The following TRMT13 variants were observed in gnomAD, a reference collection of about 807,000 sequenced individuals.
TRMT13 encodes the protein tRNA:m(4)X modification enzyme TRM13 homolog.
In TRMT13, 45 loss-of-function variants were observed where a neutral mutation model predicts 55.9. That is an observed-to-expected ratio of 0.80 (90% CI 0.63 to 1.03). The LOEUF (loss-of-function observed/expected upper bound fraction) is 1.03. Ranked by LOEUF, TRMT13 falls within the 50% of genes least tolerant of loss-of-function variation. The pLI is 0.00. For missense variants in TRMT13, 513 were observed against 563.9 expected, an observed-to-expected ratio of 0.91 and a Z score of 0.91; for synonymous variants, 183 against 196.3, an observed-to-expected ratio of 0.93 and a Z score of 0.57.
chr1:100,148,065 T>C lies in TRMT13; in HGVS notation c.989T>C (p.Ile330Thr), dbSNP rs1557916409. 8.7e-6 allele frequency: 14 copies of C among 1,614,204 alleles called. No individual in the cohort carries two copies. Among genetic ancestry groups the C allele is most frequent in the Non-Finnish European group, 1.2e-5 (14 of 1,180,038 alleles). The change falls in exon 10 of 11, where the codon ATT (isoleucine) becomes ACT (threonine). Residue 330 changes from isoleucine (I) to threonine (T), a missense_variant. By Grantham distance (89) the Ile-to-Thr change is moderately conservative. Coordinates refer to ENST00000370141, the MANE Select transcript of TRMT13 (RefSeq NM_019083.3). Reference protein sequence around the residue: ...VPEKWNPVAGIVIALCCHHRC... With the variant: ...VPEKWNPVAGTVIALCCHHRC... The stretch of plus-strand genomic sequence containing the variant: ...GAGAAGTGGAACCCTGTGGCTGGCA[T>C]TGTTATTGCACTCTGTTGTCACCAC...
intron 9 of TRMT13, among the ~76,000 whole-genome samples, chr1:100,146,626 C>T (rs1198258519): frequency 6.6e-6 from 1 of 152,204 alleles, no homozygotes; most frequent in Non-Finnish European, 1.5e-5. Context: ...CTGCCTCAGC[C>T]TCCCGAATTG....
intron 7 of TRMT13, among the ~76,000 whole-genome samples, chr1:100,142,495 A>C (rs902132293): frequency 2.6e-5 from 4 of 152,314 alleles, no homozygotes; most frequent in Admixed American, 2.0e-4. Flanking sequence ...TTTGTTAGTA[A>C]TTGAATATGA....
intron 9 of TRMT13, chr1:100,144,522 T>C (rs1278032446): frequency 6.5e-6 from 1 of 154,610 alleles, no homozygotes; most frequent in East Asian, 1.9e-4. Flanking sequence ...TAAAAGACTA[T>C]TGTGTTTCAG....
intron 10 of TRMT13, 144 bp from the exon 11 acceptor site, chr1:100,148,475 CATAAAT>C: frequency 9.3e-7 from 1 of 1,069,906 alleles, no homozygotes; most frequent in Admixed American, 2.6e-5. Flanking sequence ...TTATTGTGGT[CATAAAT>C]ATAATGTGTC....
At position 100,148,202 on chromosome 1, in the gene TRMT13, C is replaced by G; in HGVS notation, c.1126C>G (p.Arg376Gly). 1 of 1,613,980 alleles carries G rather than the reference C, an allele frequency of 6.2e-7. No individual in the cohort carries two copies. The highest frequency in any genetic ancestry group is 8.5e-7 in the Non-Finnish European group (1 of 1,179,998). Residue 376 changes from arginine (R) to glycine (G), a missense_variant, in exon 10 of 11, where the codon CGG becomes GGG. By Grantham distance (125) the Arg-to-Gly change is moderately radical. Around this residue, in one of 3 missense-constraint regions of TRMT13, gnomAD observed 209 missense variants for 255.8 expected, o/e 0.82. Coordinates refer to ENST00000370141, the MANE Select transcript of TRMT13 (RefSeq NM_019083.3). The part of the protein sequence containing the change: ...RMSSWATCGM[R>G]KTSLETSNST... The stretch of plus-strand genomic sequence containing the variant: ...GAGTAGTTGGGCAACTTGTGGGATG[C>G]GGAAAACATCTTTGGAAACCTCAAA...
intron 9 of TRMT13, among the ~76,000 whole-genome samples, chr1:100,144,897 T>C (rs891692694): frequency 2.6e-5 from 4 of 152,230 alleles, no homozygotes; most frequent in Non-Finnish European, 5.9e-5. Context: ...ATAGATATTA[T>C]TCATATTGGC....
At position 100,140,281 on chromosome 1, in the gene TRMT13, T is replaced by C. The variant is rs745840151; in HGVS notation, c.394+30T>C. 6 of 1,594,134 alleles carry C rather than the reference T, an allele frequency of 3.8e-6. 1 individual carries two copies. In the South Asian group the frequency reaches 5.6e-5, roughly 15 times the overall value. On this transcript the variant is annotated intron_variant, in intron 5 of 10. Coordinates refer to ENST00000370141, the MANE Select transcript of TRMT13 (RefSeq NM_019083.3). ...GACTGCCTAAAGTTGCAAGTTCAAT[T>C]ATTTTAGAGTAATTAGGTGGTATAT...
chr1:100,144,903 T>A (rs1657045055), intron 9 of TRMT13, among the ~76,000 whole-genome samples: 1 of 152,240 alleles, frequency 6.6e-6, no homozygotes, highest in African/African-American at 2.4e-5. Context: ...ATTATTCATA[T>A]TGGCTGGAAA....
chr1:100,149,122 A>G lies in TRMT13; in HGVS notation c.*302A>G, dbSNP rs779355147. 9 of 1,582,920 alleles carry G rather than the reference A, an allele frequency of 5.7e-6. No individual in the cohort carries two copies. In the African/African-American group the frequency reaches 1.2e-4, roughly 22 times the overall value. On this transcript the variant is annotated 3_prime_UTR_variant, in exon 11 of 11. Coordinates refer to ENST00000370141, the MANE Select transcript of TRMT13 (RefSeq NM_019083.3). ...TCTGAAACATACATAACATGTCAAC[A>G]CATAATTAGCGTATTTCTGTTTGTA...
Position 100,133,235 on chromosome 1 carries a change from G to A in TRMT13, c.67G>A (p.Val23Met). ...FPAEGRCGYY[V>M]EKKKRFCRMV... ...AGCTGAGGGTAGATGCGGTTACTAT[G>A]TGGAAAAGAAGAAACGGTTCTGCAG... The change falls in exon 1 of 11, where the codon GTG (valine) becomes ATG (methionine). Residue 23 changes from valine (V) to methionine (M), a missense_variant. By Grantham distance (21) the Val-to-Met change is conservative. This residue lies in a region of TRMT13 where 298 missense variants were observed against 290.3 expected (regional missense o/e 1.03). Coordinates refer to ENST00000370141, the MANE Select transcript of TRMT13 (RefSeq NM_019083.3). The A allele has an allele frequency of 1.2e-6, 2 of 1,614,190 alleles. No individual in the cohort carries two copies. The highest frequency in any genetic ancestry group is 1.7e-6 in the Non-Finnish European group (2 of 1,180,032).
chr1:100,136,977 T>C (rs960172881), intron 2 of TRMT13, 42 bp from the exon 3 acceptor site: 2 of 1,602,290 alleles, frequency 1.2e-6, no homozygotes, highest in Non-Finnish European at 1.7e-6. Context: ...AAACAGTAAT[T>C]GGCACAAGTC....
In TRMT13 at chr1:100,149,131, G is replaced by A. The variant is rs771705823; in HGVS notation, c.*311G>A. The A allele has an allele frequency of 6.4e-7, 1 of 1,570,732 alleles. No individual in the cohort carries two copies. The highest frequency in any genetic ancestry group is 1.4e-5 in the African/African-American group (1 of 72,466). The stretch of plus-strand genomic sequence containing the variant: ...TACATAACATGTCAACACATAATTA[G>A]CGTATTTCTGTTTGTATTAATTTTG... On this transcript the variant is annotated 3_prime_UTR_variant, in exon 11 of 11. Coordinates refer to ENST00000370141, the MANE Select transcript of TRMT13 (RefSeq NM_019083.3).
chr1:100,149,537 G>C lies in TRMT13; in HGVS notation c.*717G>C. The C allele has an allele frequency of 6.7e-6, 8 of 1,187,950 alleles. No homozygotes were observed. Among genetic ancestry groups the C allele is most frequent in the Non-Finnish European group, 9.2e-6 (8 of 865,570 alleles). The allele number at this position is 1,187,950 out of a possible 1,614,324, so 73.6% of individuals were successfully genotyped here. A position where few individuals can be genotyped will look rare whatever the true frequency, so the allele number is the denominator to read the frequency against. The stretch of plus-strand genomic sequence containing the variant: ...ACTTACAAACATAATTCACAAATTT[G>C]AAATAATTTCTGAAGTTGATTAGCT... On this transcript the variant is annotated 3_prime_UTR_variant, in exon 11 of 11. Coordinates refer to ENST00000370141, the MANE Select transcript of TRMT13 (RefSeq NM_019083.3).
chr1:100,137,285 T>C (rs550916974), intron 3 of TRMT13, among the ~76,000 whole-genome samples, 200 bp downstream of exon 3: 8 of 152,138 alleles, frequency 5.3e-5, no homozygotes, highest in Non-Finnish European at 1.0e-4. Flanking sequence ...AGCCTTGAAC[T>C]CCTGGACTCA....
At chr1:100,133,867 G>A (rs1451562071) in intron 1 of TRMT13, among the ~76,000 whole-genome samples, 1 of 152,086 alleles carries the variant, frequency 6.6e-6, no homozygotes, top group Non-Finnish European at 1.5e-5. Flanking sequence ...CCAACATGAT[G>A]AAACCCTCTC....
chr1:100,134,942 T>G (rs1655611932), intron 1 of TRMT13, among the ~76,000 whole-genome samples: 2 of 152,196 alleles, frequency 1.3e-5, no homozygotes, highest in South Asian at 4.1e-4. Flanking sequence ...ATGTTGTGTT[T>G]CCATCTTTTT....
chr1:100,148,161 A>G lies in TRMT13; in HGVS notation c.1085A>G (p.His362Arg), dbSNP rs1657522694. 1.9e-6 allele frequency: 3 copies of G among 1,614,150 alleles called. No homozygotes were observed. The highest frequency in any genetic ancestry group is 2.5e-6 in the Non-Finnish European group (3 of 1,180,032). The change falls in exon 10 of 11, where the codon CAT becomes CGT. Residue 362 changes from histidine (H) to arginine (R), a missense_variant. His to Arg is a conservative substitution (Grantham distance 29). Around this residue, in one of 3 missense-constraint regions of TRMT13, gnomAD observed 209 missense variants for 255.8 expected, o/e 0.82. Coordinates refer to ENST00000370141, the MANE Select transcript of TRMT13 (RefSeq NM_019083.3). ...CTAGGCCTTGGAGCAGTGGAATTCC[A>G]TTATTTCCAGCGAATGAGTAGTTGG... ...RALGLGAVEF[H>R]YFQRMSSWAT... is the part of the protein sequence containing the mutation.
chr1:100,147,954 A>G lies in TRMT13; in HGVS notation c.878A>G (p.Glu293Gly). The G allele has an allele frequency of 1.2e-6, 2 of 1,613,258 alleles. No individual in the cohort carries two copies. The highest frequency in any genetic ancestry group is 2.2e-5 in the South Asian group (2 of 90,952). Residue 293 changes from glutamate (E) to glycine (G), a missense_variant, in exon 10 of 11, where the codon GAA becomes GGA. Glu to Gly is a moderately conservative substitution (Grantham distance 98). Around this residue, in one of 3 missense-constraint regions of TRMT13, gnomAD observed 209 missense variants for 255.8 expected, o/e 0.82. Transcript: ENST00000370141. ...YAASFEERNE[E>G]PLAKRIKNDK... Reference sequence around the variant, plus strand: ...GCCAGTTTTGAGGAAAGGAATGAAGAACCTTTAGCCAAACGCATAAAGAAT... The same window carrying G: ...GCCAGTTTTGAGGAAAGGAATGAAGGACCTTTAGCCAAACGCATAAAGAAT...
At chr1:100,133,398 T>C in intron 1 of TRMT13, 83 bp downstream of exon 1, 5 of 1,472,432 alleles carry the variant, frequency 3.4e-6, no homozygotes, top group Middle Eastern at 2.1e-4. Context: ...CTCCCCTCTT[T>C]GACAGCTTTC....
Sources: allele counts gnomAD v4.1 joint callset (sites outside exome capture counted in the v4.1 genomes callset), GRCh38; gene constraint gnomAD v4.1.1; regional missense constraint gnomAD v4.1.1; transcripts MANE v1.5; gene names NCBI Gene and HGNC (gene_info 2026-07-23, HGNC 2026-07-21).